IFT52: variants seen among roughly 807,000 people sequenced by gnomAD.
IFT52 encodes the protein intraflagellar transport 52.
Under a neutral mutation model 54.4 loss-of-function variants are expected in IFT52, and 44 were observed. The ratio of observed to expected loss-of-function variants is 0.81; its 90% CI spans 0.63 to 1.04. The LOEUF (loss-of-function observed/expected upper bound fraction) is 1.04, where lower values mean the gene tolerates loss of function less well. Among genes scored for constraint, IFT52 ranks in the 50% least tolerant of loss-of-function variants. The pLI is 0.00. For missense variants in IFT52, 452 were observed against 523.6 expected (o/e 0.86, Z 1.33); for synonymous variants, 181 against 185.3 (o/e 0.98, Z 0.19).
chr20:43,612,030 C>T (rs998767016), intron 6 of IFT52, among the ~76,000 whole-genome samples: 3 of 151,302 alleles, frequency 2.0e-5, no homozygotes, highest in Non-Finnish European at 4.4e-5. Flanking sequence ...AACTCCATCT[C>T]GAAAAATAAT....
At chr20:43,600,092 G>T (rs2145591308) in intron 3 of IFT52, among the ~76,000 whole-genome samples, 1 of 152,272 alleles carries the variant, frequency 6.6e-6, no homozygotes, top group Admixed American at 6.5e-5. Context: ...ACATATTTCA[G>T]TTTGTTAATG....
At chr20:43,600,231 T>C (rs143207104) in intron 3 of IFT52, among the ~76,000 whole-genome samples, 1 of 152,284 alleles carries the variant, frequency 6.6e-6, no homozygotes, top group African/African-American at 2.4e-5. Context: ...GTATTGGCAA[T>C]TCAAATCATG....
At chr20:43,600,215 A>G (rs893441367) in intron 3 of IFT52, among the ~76,000 whole-genome samples, 3 of 152,174 alleles carry the variant, frequency 2.0e-5, no homozygotes, top group African/African-American at 7.2e-5. Flanking sequence ...GACTGGTGGA[A>G]GTGATGTATT....
intron 10 of IFT52, among the ~76,000 whole-genome samples, chr20:43,630,753 C>G (rs1015094766): frequency 1.3e-5 from 2 of 152,176 alleles, no homozygotes; most frequent in African/African-American, 4.8e-5. Context: ...AGATCTAGTT[C>G]AGCGCCATTT....
intron 2 of IFT52, among the ~76,000 whole-genome samples, chr20:43,595,112 G>A (rs549647002): frequency 5.9e-5 from 9 of 151,670 alleles, no homozygotes; most frequent in East Asian, 1.9e-4. Context: ...TCATGGGTTC[G>A]AGACAAGCCT....
chr20:43,617,454 T>C (rs1037177977), intron 7 of IFT52, among the ~76,000 whole-genome samples: 3 of 152,158 alleles, frequency 2.0e-5, no homozygotes, highest in Non-Finnish European at 4.4e-5. Flanking sequence ...TTCTGGTTTT[T>C]TTTTTTTGAG....
chr20:43,620,026 C>T (rs6030988), intron 8 of IFT52, among the ~76,000 whole-genome samples: 108,537 of 149,730 alleles, frequency 0.72, 39,658 homozygotes, highest in East Asian at 0.8. Context: ...AAGCGATTCT[C>T]CTGCCTCAGC....
At chr20:43,609,433 C>T (rs1445044713) in intron 6 of IFT52, among the ~76,000 whole-genome samples, 2 of 152,122 alleles carry the variant, frequency 1.3e-5, no homozygotes, top group African/African-American at 4.8e-5. Context: ...TTTCATACCA[C>T]ACCCCAAAAT....
chr20:43,623,077 G>T (rs1984462333), intron 9 of IFT52, among the ~76,000 whole-genome samples: 1 of 152,230 alleles, frequency 6.6e-6, no homozygotes, highest in Non-Finnish European at 1.5e-5. Context: ...CTGGATGCTA[G>T]GGGGTGGGCA....
chr20:43,598,615 A>AGGTGGGAGAATCGCTTGT (rs1418074111), intron 3 of IFT52, among the ~76,000 whole-genome samples: 1 of 152,158 alleles, frequency 6.6e-6, no homozygotes, highest in African/African-American at 2.4e-5. Flanking sequence ...GAATCGCTTG[A>AGGTGGGAGAATCGCTTGT]ACCTGGGAGG....
intron 3 of IFT52, among the ~76,000 whole-genome samples, chr20:43,599,806 T>C (rs989776527): frequency 4.6e-5 from 7 of 152,176 alleles, no homozygotes; most frequent in African/African-American, 1.7e-4. Flanking sequence ...CATTGACGCA[T>C]TACACTAGCT....
At position 43,646,982 on chromosome 20, in the gene IFT52, G is replaced by A. The variant is rs1013883035; in HGVS notation, c.1313G>A (p.Ter438=). 1 of 1,613,338 alleles carries A rather than the reference G, an allele frequency of 6.2e-7. No individual in the cohort carries two copies. Among genetic ancestry groups the A allele is most frequent in the Non-Finnish European group, 8.5e-7 (1 of 1,179,362 alleles). Residue 438 remains the stop codon, a stop_retained_variant, in exon 14 of 14, where the codon TGA becomes TAA. Coordinates refer to ENST00000373030, the MANE Select transcript of IFT52 (RefSeq NM_016004.5). ...GAAACAGCATTCCAGAACAATTTCT[G>A]AAGACCATGCCTCTTGAAGCTTTTT... The part of the protein sequence containing the change: ...TSETAFQNNF[*]
intron 12 of IFT52, among the ~76,000 whole-genome samples, chr20:43,639,956 A>C (rs1985802662): frequency 6.6e-6 from 1 of 152,166 alleles, no homozygotes; most frequent in South Asian, 2.1e-4. Context: ...CAAGAGGATC[A>C]CTTGAGACCA....
rs1380002963 is a variant in IFT52, at chr20:43,604,998, C to T, written c.414-4C>T. ...TTACTAGATTTTAATTTTTCTTCTT[C>T]AAGGGAAATTAGCCGAGCTGCAGGA... On this transcript the variant is annotated splice_region_variant and splice_polypyrimidine_tract_variant and intron_variant, in intron 5 of 13. Transcript: ENST00000373030. 1.2e-6 allele frequency: 2 copies of T among 1,612,910 alleles called. No homozygotes were observed. The highest frequency in any genetic ancestry group is 1.7e-6 in the Non-Finnish European group (2 of 1,179,372).
intron 9 of IFT52, among the ~76,000 whole-genome samples, chr20:43,623,396 A>G (rs1984486262): frequency 6.6e-6 from 1 of 152,162 alleles, no homozygotes. Context: ...CATATTGCCC[A>G]GGCTGATCTC....
chr20:43,592,198 G>A (rs1424542373), intron 1 of IFT52, among the ~76,000 whole-genome samples: 7 of 152,022 alleles, frequency 4.6e-5, no homozygotes, highest in Non-Finnish European at 8.8e-5. Context: ...CTACTATGGC[G>A]CGCGCCTGTA....
intron 11 of IFT52, 65 bp downstream of exon 11, chr20:43,636,078 G>A (rs1985520628): frequency 3.9e-5 from 59 of 1,497,538 alleles, no homozygotes; most frequent in Non-Finnish European, 5.3e-5. Flanking sequence ...TTGTCAGCAG[G>A]CATTCGCTGT....
rs11482384 is a variant in IFT52, at chr20:43,619,910, C to CTTTTTT, written c.699+903_699+908dup. 8.7e-4 allele frequency among the ~76,000 whole-genome samples: 72 copies of CTTTTTT among 82,786 alleles called. 2 individuals are homozygous for CTTTTTT. Among genetic ancestry groups the CTTTTTT allele is most frequent in the Admixed American group, 9.9e-4 (5 of 5,074 alleles). 54.3% of individuals were successfully genotyped at this position (82,786 alleles called of 152,430 possible). A position where few individuals can be genotyped will look rare whatever the true frequency, so the allele number is the denominator to read the frequency against. ...CATTATGGGAGATCTAGATATTCTA[C>CTTTTTT]TTTTTTTTTTTTTTTTTTTTTTTTG... is the stretch of plus-strand genomic sequence containing the variant. On this transcript the variant is annotated intron_variant, in intron 8 of 13. Coordinates refer to ENST00000373030, the MANE Select transcript of IFT52 (RefSeq NM_016004.5).
intron 2 of IFT52, among the ~76,000 whole-genome samples, 198 bp downstream of exon 2, chr20:43,595,015 G>A (rs563111169): frequency 1.3e-5 from 2 of 151,154 alleles, no homozygotes; most frequent in East Asian, 2.0e-4. Context: ...GGCGGATCAC[G>A]AGGTCAAGAG....
Sources: gnomAD v4.1 joint callset for allele counts (sites outside exome capture counted in the v4.1 genomes callset) on GRCh38, gnomAD v4.1.1 for gene constraint, MANE v1.5 for transcripts, NCBI Gene and HGNC (gene_info 2026-07-23, HGNC 2026-07-21) for gene names.